Variants in SOBP observed in about 807,000 individuals in gnomAD.
SOBP encodes sine oculis-binding protein homolog.
Under a neutral mutation model 53.6 loss-of-function variants are expected in SOBP, and 4 were observed. The ratio of observed to expected loss-of-function variants is 0.07; its 90% CI spans 0.04 to 0.17. SOBP has a LOEUF of 0.17. Ranked by LOEUF, SOBP falls within the 10% of genes least tolerant of loss-of-function variation. The probability of loss-of-function intolerance (pLI) is 1.00; values close to 1 mark genes in which losing one functional copy is unlikely to be tolerated. For missense variants in SOBP, 1,088 were observed against 1,204.7 expected (o/e 0.90, Z 1.43); for synonymous variants, 584 against 522.6 (o/e 1.12, Z -1.60).
intron 5 of SOBP, among the ~76,000 whole-genome samples, chr6:107,595,962 A>G (rs745815058): frequency 6.6e-6 from 1 of 152,158 alleles, no homozygotes; most frequent in Non-Finnish European, 1.5e-5. Context: ...TATTTTCCCT[A>G]ATTGTATTTT....
intron 5 of SOBP, among the ~76,000 whole-genome samples, chr6:107,627,584 T>G (rs1291899926): frequency 6.6e-6 from 1 of 151,954 alleles, no homozygotes; most frequent in Non-Finnish European, 1.5e-5. Context: ...CAAATCTTAT[T>G]TAAGAGAGAG....
At chr6:107,536,174 T>G (rs560614323) in intron 4 of SOBP, among the ~76,000 whole-genome samples, 1 of 152,310 alleles carries the variant, frequency 6.6e-6, no homozygotes, top group East Asian at 1.9e-4. Context: ...TGCTGTAAAT[T>G]ATGCTTTATG....
chr6:107,522,157 G>A (rs901406902), intron 3 of SOBP, among the ~76,000 whole-genome samples: 9 of 152,140 alleles, frequency 5.9e-5, no homozygotes, highest in African/African-American at 9.7e-5. Flanking sequence ...TGGAGGGAGG[G>A]CCTCAAGGAA....
chr6:107,649,193 A>T (rs938160612), intron 6 of SOBP, among the ~76,000 whole-genome samples: 1 of 132,714 alleles, frequency 7.5e-6, no homozygotes, highest in African/African-American at 2.9e-5. Context: ...AAAAAAAACC[A>T]TCAGGAGCCA....
At chr6:107,657,666 C>A (rs987477650) in intron 6 of SOBP, among the ~76,000 whole-genome samples, 8 of 152,074 alleles carry the variant, frequency 5.3e-5, no homozygotes, top group Admixed American at 3.3e-4. Flanking sequence ...TTTGGAGTGA[C>A]CTTGGGTGAC....
chr6:107,537,452 C>T (rs558328728), intron 4 of SOBP, among the ~76,000 whole-genome samples: 5 of 152,278 alleles, frequency 3.3e-5, no homozygotes, highest in South Asian at 4.1e-4. Context: ...TTTATGGATT[C>T]GGAATGTTGA....
At chr6:107,580,851 G>C (rs1785380182) in intron 4 of SOBP, among the ~76,000 whole-genome samples, 1 of 152,124 alleles carries the variant, frequency 6.6e-6, no homozygotes. Context: ...TGAAGGTCTA[G>C]GTGTGAGGCA....
chr6:107,576,601 A>G (rs924816906), intron 4 of SOBP, among the ~76,000 whole-genome samples: 1 of 152,200 alleles, frequency 6.6e-6, no homozygotes, highest in South Asian at 2.1e-4. Context: ...GGGCAGGACC[A>G]CAGTCAGAGT....
chr6:107,597,936 A>G (rs1786004195), intron 5 of SOBP, among the ~76,000 whole-genome samples: 1 of 152,228 alleles, frequency 6.6e-6, no homozygotes, highest in Admixed American at 6.5e-5. Context: ...TGGGTATTTA[A>G]TGTCATGGAC....
chr6:107,604,175 A>G (rs1483654443), intron 5 of SOBP, among the ~76,000 whole-genome samples: 5 of 152,228 alleles, frequency 3.3e-5, no homozygotes, highest in Non-Finnish European at 5.9e-5. Context: ...GTGAACTGAG[A>G]GTAATTTTTG....
intron 6 of SOBP, among the ~76,000 whole-genome samples, chr6:107,640,617 T>C (rs939273222): frequency 7.9e-5 from 12 of 152,304 alleles, no homozygotes; most frequent in African/African-American, 2.9e-4. Flanking sequence ...TGGCCTGAGA[T>C]ATGTCCCAAT....
At chr6:107,493,337 T>C (rs1643497966) in intron 1 of SOBP, among the ~76,000 whole-genome samples, 2 of 152,134 alleles carry the variant, frequency 1.3e-5, no homozygotes, top group African/African-American at 4.8e-5. Flanking sequence ...GAAAGGAATG[T>C]ATACAGCTAG....
intron 4 of SOBP, among the ~76,000 whole-genome samples, chr6:107,562,601 A>C (rs554454763): frequency 6.6e-6 from 1 of 152,208 alleles, no homozygotes. Flanking sequence ...TAATAAAATC[A>C]GAAGTGTTTT....
At chr6:107,517,195 A>G (rs1783347071) in intron 3 of SOBP, among the ~76,000 whole-genome samples, 1 of 152,230 alleles carries the variant, frequency 6.6e-6, no homozygotes. Flanking sequence ...GAGTCCAGAA[A>G]CAAATCTAAA....
rs928225854 is a variant in SOBP at position 107,505,413 on chromosome 6, C to T, written c.236-829C>T. ...TCTCAGTTCACTGCAACCTCCGCCT[C>T]CTGGGTTCAAGCGATTCTCGTGCCT... is the stretch of plus-strand genomic sequence containing the variant. On this transcript the variant is annotated intron_variant, in intron 2 of 6. Transcript: ENST00000317357. Among the ~76,000 whole-genome samples the T allele has an allele frequency of 3.9e-5, 6 of 152,080 alleles. No individual in the cohort carries two copies. The South Asian group carries it at 1.0e-3, about 26-fold the overall frequency.
At chr6:107,656,349 GAAAGAA>G (rs1772061015) in intron 6 of SOBP, among the ~76,000 whole-genome samples, 3 of 37,954 alleles carry the variant, frequency 7.9e-5, no homozygotes, top group Non-Finnish European at 2.3e-4. Flanking sequence ...GAAAGAGAAA[GAAAGAA>G]AGAAAGAAAG....
At chr6:107,604,268 T>G (rs1019038020) in intron 5 of SOBP, among the ~76,000 whole-genome samples, 6 of 152,312 alleles carry the variant, frequency 3.9e-5, no homozygotes, top group African/African-American at 1.4e-4. Flanking sequence ...GTCTAAGCAG[T>G]ATGGACTGTT....
intron 5 of SOBP, among the ~76,000 whole-genome samples, chr6:107,611,621 AC>A (rs2115102440): frequency 6.6e-6 from 1 of 152,270 alleles, no homozygotes; most frequent in Non-Finnish European, 1.5e-5. Context: ...CATTGGACTC[AC>A]CCGTGTTGTT....
At chr6:107,649,369 C>T (rs1771704207) in intron 6 of SOBP, among the ~76,000 whole-genome samples, 1 of 151,654 alleles carries the variant, frequency 6.6e-6, no homozygotes, top group Admixed American at 6.6e-5. Context: ...CCTGTGGTCC[C>T]AGCTACTTGG....
Sources: gnomAD v4.1 joint callset for allele counts (sites outside exome capture counted in the v4.1 genomes callset) on GRCh38, gnomAD v4.1.1 for gene constraint, MANE v1.5 for transcripts, NCBI Gene and HGNC (gene_info 2026-07-23, HGNC 2026-07-21) for gene names.